The following ZNF385D variants were observed in gnomAD, a reference collection of about 807,000 sequenced individuals.
ZNF385D encodes the protein zinc finger protein 385D, also known as zinc finger protein 659.
A neutral mutation model predicts 35.8 loss-of-function variants in ZNF385D; 15 were observed. The observed-to-expected ratio is 0.42, with a 90% CI of 0.28 to 0.64. The LOEUF (loss-of-function observed/expected upper bound fraction) is 0.64, where lower values mean the gene tolerates loss of function less well. ZNF385D is among the 30% of genes least tolerant of loss of function. The pLI, the probability that ZNF385D is intolerant of heterozygous loss-of-function variation, is 0.23. For missense variants in ZNF385D, 474 were observed against 494.6 expected (o/e 0.96, Z 0.39); for synonymous variants, 212 against 186.8 (o/e 1.13, Z -1.10).
At chr3:21,952,936 T>A (rs1466617780) in intron 3 of ZNF385D, among the ~76,000 whole-genome samples, 1 of 152,032 alleles carries the variant, frequency 6.6e-6, no homozygotes, top group Non-Finnish European at 1.5e-5. Context: ...TTTCTCAGAC[T>A]TTCAAAGAGG....
chr3:21,487,901 T>TC (rs1469823384), intron 4 of ZNF385D, among the ~76,000 whole-genome samples: 5 of 152,152 alleles, frequency 3.3e-5, no homozygotes, highest in African/African-American at 1.2e-4. Context: ...ATGCCTAACT[T>TC]GTACTATGTG....
In ZNF385D at chr3:21,925,649, G is replaced by C. The variant is rs577949510; in HGVS notation, c.325+243168C>G. Among the ~76,000 whole-genome samples, 45 of 152,226 alleles carry C rather than the reference G, an allele frequency of 3.0e-4. No individual in the cohort carries two copies. In the South Asian group the frequency reaches 9.1e-3, roughly 31 times the overall value. The stretch of plus-strand genomic sequence containing the variant: ...TTGGACTTCATCAAACCTACAAGTA[G>C]TTACTTTCCGAAAGGCCTGTAAAGA... On this transcript the variant is annotated intron_variant, in intron 3 of 5. Transcript: ENST00000494108.
chr3:21,622,525 T>G (rs1160202114), intron 2 of ZNF385D, among the ~76,000 whole-genome samples: 1 of 152,086 alleles, frequency 6.6e-6, no homozygotes, highest in Non-Finnish European at 1.5e-5. Flanking sequence ...AAAGTTAGAT[T>G]TTCACCCATC....
At chr3:21,925,892 A>G (rs559203105) in intron 3 of ZNF385D, among the ~76,000 whole-genome samples, 17 of 152,346 alleles carry the variant, frequency 1.1e-4, no homozygotes, top group African/African-American at 3.4e-4. Context: ...TAGCATCATT[A>G]GTCATCTGAG....
chr3:21,928,880 G>T (rs975137349), intron 3 of ZNF385D, among the ~76,000 whole-genome samples: 1 of 152,034 alleles, frequency 6.6e-6, no homozygotes, highest in African/African-American at 2.4e-5. Context: ...GAGTTTTACC[G>T]TGAATTCTGT....
chr3:21,901,720 T>C (rs894835609), intron 3 of ZNF385D, among the ~76,000 whole-genome samples: 3 of 152,146 alleles, frequency 2.0e-5, no homozygotes, highest in Admixed American at 6.6e-5. Flanking sequence ...GTTCGACCAA[T>C]GTATTAACTT....
intron 3 of ZNF385D, among the ~76,000 whole-genome samples, chr3:22,065,837 C>G (rs1350980143): frequency 6.6e-6 from 1 of 152,102 alleles, no homozygotes; most frequent in East Asian, 1.9e-4. Context: ...CTTTTAATCT[C>G]TTATCTCCTC....
intron 2 of ZNF385D, among the ~76,000 whole-genome samples, chr3:22,324,590 T>C (rs889296340): frequency 2.6e-5 from 4 of 152,186 alleles, no homozygotes; most frequent in African/African-American, 4.8e-5. Context: ...ATTTTCAGCA[T>C]GCTAAAGATT....
At position 21,492,018 on chromosome 3, in the gene ZNF385D, A is replaced by G. The variant is rs114174250; in HGVS notation, c.439+18843T>C. On this transcript the variant is annotated intron_variant, in intron 4 of 7. Transcript: ENST00000281523. ...ATACCATAGAGATTCTAAATACCAT[A>G]TATGTAATTTTTCATAATGCTGATG... 5.5e-3 allele frequency among the ~76,000 whole-genome samples: 837 copies of G among 152,214 alleles called. 7 individuals carry two copies. Among genetic ancestry groups the G allele is most frequent in the Admixed American group, 8.0e-3 (122 of 15,254 alleles).
intron 3 of ZNF385D, chr3:22,134,347 T>C (rs1389301860): frequency 1.3e-5 from 2 of 152,036 alleles, no homozygotes; most frequent in Admixed American, 6.6e-5. Flanking sequence ...AATGGATATG[T>C]CCCTACCATG....
intron 2 of ZNF385D, among the ~76,000 whole-genome samples, chr3:21,594,031 C>T (rs997521309): frequency 4.6e-5 from 7 of 152,232 alleles, no homozygotes; most frequent in Middle Eastern, 3.4e-3. Flanking sequence ...AGACAGTAGA[C>T]GCACAGCTTT....
intron 3 of ZNF385D, among the ~76,000 whole-genome samples, chr3:21,875,884 A>G (rs893333393): frequency 4.6e-5 from 7 of 152,098 alleles, no homozygotes; most frequent in African/African-American, 1.7e-4. Flanking sequence ...TCCTACATCC[A>G]TAGAATAAGA....
chr3:21,914,181 G>T (rs1441131101), intron 3 of ZNF385D, among the ~76,000 whole-genome samples: 1 of 152,026 alleles, frequency 6.6e-6, no homozygotes, highest in Non-Finnish European at 1.5e-5. Context: ...AGTAGACAGG[G>T]AACCTAAAAC....
intron 3 of ZNF385D, among the ~76,000 whole-genome samples, chr3:22,072,645 G>C (rs1363932608): frequency 6.6e-6 from 1 of 151,864 alleles, no homozygotes; most frequent in Non-Finnish European, 1.5e-5. Flanking sequence ...AAGAATGCTA[G>C]ATAGGAAGGC....
At chr3:21,744,196 G>A (rs2069653640) in intron 1 of ZNF385D, among the ~76,000 whole-genome samples, 1 of 152,032 alleles carries the variant, frequency 6.6e-6, no homozygotes, top group African/African-American at 2.4e-5. Context: ...ATTATATTTT[G>A]TCTACTTCCC....
At chr3:22,289,318 G>A (rs1023838685) in intron 2 of ZNF385D, among the ~76,000 whole-genome samples, 4 of 152,132 alleles carry the variant, frequency 2.6e-5, no homozygotes, top group African/African-American at 7.2e-5. Flanking sequence ...TTCATTACGT[G>A]CAAGCTGTTC....
At chr3:22,167,726 T>G (rs1301223186) in intron 3 of ZNF385D, among the ~76,000 whole-genome samples, 1 of 152,232 alleles carries the variant, frequency 6.6e-6, no homozygotes, top group Non-Finnish European at 1.5e-5. Context: ...AAATGTCCTG[T>G]GTCACTAGGT....
At chr3:21,575,345 C>G (rs1342058058) in intron 2 of ZNF385D, among the ~76,000 whole-genome samples, 2 of 145,312 alleles carry the variant, frequency 1.4e-5, no homozygotes, top group African/African-American at 4.9e-5. Flanking sequence ...TGCCAAATAG[C>G]AAAAGATATA....
rs960455698 is a variant in ZNF385D at position 22,218,436 on chromosome 3, C to G, written c.107-49401G>C. Among the ~76,000 whole-genome samples, 4 of 151,748 alleles carry G rather than the reference C, an allele frequency of 2.6e-5. No homozygotes were observed. The East Asian group carries it at 7.7e-4, about 29-fold the overall frequency. On this transcript the variant is annotated intron_variant, in intron 2 of 5. Coordinates refer to the ZNF385D transcript ENST00000494108. ...ATTATAATAATTTATTTGAAGACCCCTTGAATTTATATATAAATATATGTA... is the reference window on the plus strand; with the variant it reads ...ATTATAATAATTTATTTGAAGACCCGTTGAATTTATATATAAATATATGTA...
Sources: gnomAD v4.1 joint callset for allele counts (sites outside exome capture counted in the v4.1 genomes callset) on GRCh38, gnomAD v4.1.1 for gene constraint, MANE v1.5 for transcripts, NCBI Gene and HGNC (gene_info 2026-07-23, HGNC 2026-07-21) for gene names.